The following STK32B variants were observed in gnomAD, a reference collection of about 807,000 sequenced individuals.
STK32B encodes serine/threonine-protein kinase 32B.
Under a neutral mutation model 52.6 loss-of-function variants are expected in STK32B, and 43 were observed. That is an observed-to-expected ratio of 0.82 (90% confidence interval 0.64 to 1.05). STK32B has a LOEUF of 1.05. Ranked by LOEUF, STK32B falls within the 50% of genes least tolerant of loss-of-function variation. STK32B has a pLI of 0.00. For synonymous variants in STK32B, 238 were observed against 204.3 expected, an observed-to-expected ratio of 1.17 and a Z score of -1.41; for missense variants, 621 against 534.6, an observed-to-expected ratio of 1.16 and a Z score of -1.59.
At chr4:5,052,613 T>G (rs1741834874) in intron 1 of STK32B, among the ~76,000 whole-genome samples, 1 of 152,116 alleles carries the variant, frequency 6.6e-6, no homozygotes, top group South Asian at 2.1e-4. Context: ...GAAAACTTAC[T>G]TCACCTCTCT....
intron 1 of STK32B, among the ~76,000 whole-genome samples, chr4:5,113,838 C>A (rs1398983018): frequency 4.6e-5 from 7 of 152,138 alleles, no homozygotes; most frequent in African/African-American, 1.7e-4. Context: ...GGAGGCCTCA[C>A]AATCATGGTG....
upstream of STK32B, among the ~76,000 whole-genome samples, chr4:5,046,930 T>G (rs1741629317): frequency 6.6e-6 from 1 of 152,202 alleles, no homozygotes; most frequent in East Asian, 1.9e-4. Context: ...GACAGTATGG[T>G]GATTTCTCAA....
intron 1 of STK32B, among the ~76,000 whole-genome samples, chr4:5,100,759 TCCTC>T (rs1713729822): frequency 8.4e-6 from 1 of 119,490 alleles, no homozygotes; most frequent in East Asian, 2.7e-4. Flanking sequence ...CCTCCCTCCC[TCCTC>T]CCTCCCTCCT....
chr4:5,430,853 T>G (rs1713516771), intron 6 of STK32B, among the ~76,000 whole-genome samples: 1 of 152,200 alleles, frequency 6.6e-6, no homozygotes, highest in Admixed American at 6.6e-5. Flanking sequence ...CTGTTCCACC[T>G]TTGACTTAGG....
chr4:5,043,932 C>G, the STK32B span, among the ~76,000 whole-genome samples: 1 of 152,220 alleles, frequency 6.6e-6, no homozygotes, highest in Non-Finnish European at 1.5e-5. Flanking sequence ...GTAAGGAAGC[C>G]TTTCCCAGGC....
chr4:5,228,521 A>C (rs1405467505), intron 3 of STK32B, among the ~76,000 whole-genome samples: 1 of 152,188 alleles, frequency 6.6e-6, no homozygotes, highest in Non-Finnish European at 1.5e-5. Context: ...AAGCTGCAAT[A>C]AAATTTTTTT....
intron 11 of STK32B, among the ~76,000 whole-genome samples, chr4:5,480,270 AAT>A (rs1718584374): frequency 2.0e-5 from 3 of 152,230 alleles, no homozygotes; most frequent in Non-Finnish European, 4.4e-5. Flanking sequence ...TTCTGAGCCA[AAT>A]ATGAGTGACC....
At chr4:5,077,008 G>A (rs1000566185) in intron 1 of STK32B, among the ~76,000 whole-genome samples, 1 of 152,282 alleles carries the variant, frequency 6.6e-6, no homozygotes, top group East Asian at 1.9e-4. Context: ...CTCATCATCT[G>A]CAGTGATAGG....
At chr4:5,174,984 G>A (rs1349359072) in intron 3 of STK32B, among the ~76,000 whole-genome samples, 1 of 152,174 alleles carries the variant, frequency 6.6e-6, no homozygotes, top group African/African-American at 2.4e-5. Context: ...CATATTTCTT[G>A]TAGGCTTTGT....
At chr4:5,116,564 A>G (rs1378197670) in intron 1 of STK32B, among the ~76,000 whole-genome samples, 2 of 152,160 alleles carry the variant, frequency 1.3e-5, no homozygotes, top group Non-Finnish European at 2.9e-5. Flanking sequence ...TTTTGAAATC[A>G]GGTAGTGTGA....
rs28459117 is a variant in STK32B, at chr4:5,257,058, T to C, written c.261-74162T>C. On this transcript the variant is annotated intron_variant, in intron 3 of 11. Transcript: ENST00000282908. ...GAATAAGTGAATGAGTGAATGAATATGTGAGTAAATGAATGAATAAGTGAG... is the reference window on the plus strand; with the variant it reads ...GAATAAGTGAATGAGTGAATGAATACGTGAGTAAATGAATGAATAAGTGAG... Among the ~76,000 whole-genome samples, 199 of 150,168 alleles carry C rather than the reference T, an allele frequency of 1.3e-3. 2 individuals carry two copies. Among genetic ancestry groups the C allele is most frequent in the Non-Finnish European group, 4.4e-4 (30 of 67,954 alleles).
chr4:5,359,979 C>G (rs1274998117), intron 4 of STK32B, among the ~76,000 whole-genome samples: 1 of 152,212 alleles, frequency 6.6e-6, no homozygotes, highest in African/African-American at 2.4e-5. Flanking sequence ...GAGGAGCACA[C>G]TGGCTGCTTT....
chr4:5,378,657 A>G lies in STK32B; in HGVS notation c.435-19550A>G, dbSNP rs909603197. Among the ~76,000 whole-genome samples the G allele has an allele frequency of 1.3e-4, 19 of 151,844 alleles. No homozygotes were observed. Among genetic ancestry groups the G allele is most frequent in the South Asian group, 6.2e-4 (3 of 4,820 alleles). On this transcript the variant is annotated intron_variant, in intron 4 of 11. Transcript: ENST00000282908. The surrounding 1 kb of genome is among the most constrained non-coding windows in gnomAD (Gnocchi z 4.4). Reference sequence around the variant, plus strand: ...GGTGTGTATATGTATGGGGTACATGAGATGTTTTGATACAGACATGCAGTG... The same window carrying G: ...GGTGTGTATATGTATGGGGTACATGGGATGTTTTGATACAGACATGCAGTG...
intron 1 of STK32B, among the ~76,000 whole-genome samples, chr4:5,091,554 A>T (rs956026077): frequency 3.3e-5 from 5 of 152,318 alleles, no homozygotes; most frequent in African/African-American, 1.2e-4. Context: ...AGGATGGAAT[A>T]ATAAAACAGA....
intron 11 of STK32B, among the ~76,000 whole-genome samples, chr4:5,472,973 C>G (rs1717955675): frequency 6.6e-6 from 1 of 152,074 alleles, no homozygotes; most frequent in Non-Finnish European, 1.5e-5. Flanking sequence ...CACCTTCAGA[C>G]AGTGACAATC....
At position 5,051,781 on chromosome 4, in the gene STK32B, A is replaced by ATCCCGCATCTCTGCGCGCG. The variant is rs1441825739; in HGVS notation, c.-78_-60dup. The ATCCCGCATCTCTGCGCGCG allele has an allele frequency of 3.3e-6, 5 of 1,537,766 alleles. No homozygotes were observed. The highest frequency in any genetic ancestry group is 4.4e-6 in the Non-Finnish European group (5 of 1,139,330). ...AACCCGGACTGGGCGCGCCCCCGGCATCCCGCATCTCTGCGCGCGTCCCAC... is the reference window on the plus strand; with the variant it reads ...AACCCGGACTGGGCGCGCCCCCGGCATCCCGCATCTCTGCGCGCGTCCCGCATCTCTGCGCGCGTCCCAC... On this transcript the variant is annotated 5_prime_UTR_variant, in exon 1 of 12. Transcript: ENST00000282908.
chr4:5,169,220 T>A (rs1719136456), intron 3 of STK32B, among the ~76,000 whole-genome samples: 1 of 152,130 alleles, frequency 6.6e-6, no homozygotes, highest in Admixed American at 6.5e-5. Context: ...GAACCCAGGT[T>A]ATTGGGTTAC....
At chr4:5,245,465 C>G (rs116635492) in intron 3 of STK32B, among the ~76,000 whole-genome samples, 1 of 150,086 alleles carries the variant, frequency 6.7e-6, no homozygotes, top group African/African-American at 2.4e-5. Flanking sequence ...TTTGAGCCTA[C>G]GTGAGCACGT....
In STK32B at chr4:5,453,528, C is replaced by T. The variant is rs1427231356; in HGVS notation, c.667-3279C>T. 6.6e-6 allele frequency among the ~76,000 whole-genome samples: 1 copy of T among 152,126 alleles called. No homozygotes were observed. Among genetic ancestry groups the T allele is most frequent in the Non-Finnish European group, 1.5e-5 (1 of 68,018 alleles). On this transcript the variant is annotated intron_variant, in intron 7 of 11. Transcript: ENST00000282908. The surrounding 1 kb of genome is among the most constrained non-coding windows in gnomAD (Gnocchi z 4.0). ...CCATCATTGTCCAGGGTCTTTGCAC[C>T]TCCTTTTCAGGGTAGGGGTGGGACT...
Sources: gnomAD v4.1 joint callset for allele counts (sites outside exome capture counted in the v4.1 genomes callset) on GRCh38, gnomAD v4.1.1 for gene constraint, Gnocchi (gnomAD v3.1) non-coding constraint, MANE v1.5 for transcripts, NCBI Gene and HGNC (gene_info 2026-07-23, HGNC 2026-07-21) for gene names.